Variants in ADGRG4 observed in about 807,000 individuals in gnomAD.
ADGRG4 encodes the protein G protein-coupled receptor 112.
A neutral mutation model predicts 126.2 loss-of-function variants in ADGRG4; 122 were observed. That is an observed-to-expected ratio of 0.97 (90% CI 0.83 to 1.12). The LOEUF is 1.12. Ranked by LOEUF, ADGRG4 falls within the 50% of genes most tolerant of loss-of-function variation. ADGRG4 has a pLI of 0.00. For synonymous variants in ADGRG4, 943 were observed against 838.7 expected (o/e 1.12, Z -2.15); for missense variants, 2,481 against 2,251.8 (o/e 1.10, Z -2.06).
rs2075048990 is a variant in ADGRG4, at chrX:136,349,912, C to T, written c.6206C>T (p.Thr2069Ile). The change falls in exon 6 of 26, where the codon ACC becomes ATC. Residue 2069 changes from threonine to isoleucine, a missense_variant. Transcript: ENST00000394143. ...TCTGCTACTATGAGCACCATACTCA[C>T]CCGAACCATTCCTACACCTACACTG... ...LPSATMSTIL[T>I]RTIPTPTLGG... The T allele has an allele frequency of 1.7e-6, 2 of 1,210,884 alleles. No homozygotes were observed. The highest frequency in any genetic ancestry group is 3.5e-5 in the South Asian group (2 of 56,916).
At chrX:136,413,692 C>G (rs1335315614) in intron 24 of ADGRG4, among the ~76,000 whole-genome samples, 3 of 111,098 alleles carry the variant, frequency 2.7e-5, no homozygotes, top group African/African-American at 9.8e-5. Flanking sequence ...CTTCAGGTAC[C>G]CGGAATGAAC....
rs1279577793 is a variant in ADGRG4, at chrX:136,322,765, C to A, written c.71-13C>A. On this transcript the variant is annotated splice_polypyrimidine_tract_variant and intron_variant, in intron 4 of 25. Transcript: ENST00000394143. The stretch of plus-strand genomic sequence containing the variant: ...CATTTGTTTTCTCTTTCCCCTCCCC[C>A]AAATTTGGACAGATACACTTTCACT... The A allele has an allele frequency of 1.7e-6, 2 of 1,155,145 alleles. No individual in the cohort carries two copies. The highest frequency in any genetic ancestry group is 4.1e-5 in the South Asian group (2 of 48,646).
chrX:136,356,110 A>G lies in ADGRG4; in HGVS notation c.6888-16A>G, dbSNP rs2075091862. The G allele has an allele frequency of 2.6e-6, 3 of 1,159,607 alleles. No individual in the cohort carries two copies. The highest frequency in any genetic ancestry group is 3.5e-6 in the Non-Finnish European group (3 of 852,777). ...ATATTTCATTTTCCTATAATTTTGTAATGCTTTTGATACAGGGACATTTCA... is the reference window on the plus strand; with the variant it reads ...ATATTTCATTTTCCTATAATTTTGTGATGCTTTTGATACAGGGACATTTCA... On this transcript the variant is annotated splice_polypyrimidine_tract_variant and intron_variant, in intron 8 of 25. Transcript: ENST00000394143.
In ADGRG4 at chrX:136,339,465, G is replaced by A. The variant is rs780676733; in HGVS notation, c.686-4927G>A. Among the ~76,000 whole-genome samples the A allele has an allele frequency of 2.7e-5, 3 of 111,818 alleles. No homozygotes were observed. In the South Asian group the frequency reaches 1.1e-3, roughly 42 times the overall value. ...TGCTTCTCTTGGTTGCTTATTGTTA[G>A]CAAGGTGCCCAGTCAGTCCCCCTTG... On this transcript the variant is annotated intron_variant, in intron 5 of 25. Transcript: ENST00000394143.
chrX:136,413,321 G>A (rs2040720735), intron 24 of ADGRG4, among the ~76,000 whole-genome samples: 1 of 103,080 alleles, frequency 9.7e-6, no homozygotes, highest in African/African-American at 3.6e-5. Flanking sequence ...TCCCACCTAT[G>A]AGTGAGAATA....
At position 136,363,670 on chromosome X, in the gene ADGRG4, G is replaced by C; in HGVS notation, c.7396+75G>C. ...TGCCTACTTGACCCCAAACCAGAGA[G>C]AGTATAGGCAAACCCCACTTAGGAA... On this transcript the variant is annotated intron_variant, in intron 13 of 25. Coordinates refer to ENST00000394143, the MANE Select transcript of ADGRG4 (RefSeq NM_153834.4). 6.1e-6 allele frequency: 4 copies of C among 657,847 alleles called. No homozygotes were observed. In the South Asian group the frequency reaches 9.5e-5, roughly 16 times the overall value. The allele number at this position is 657,847 out of a possible 1,213,427, so 54.2% of individuals were successfully genotyped here. A position where few individuals can be genotyped will look rare whatever the true frequency, so the allele number is the denominator to read the frequency against.
At chrX:136,380,024 T>C (rs2075250038) in intron 15 of ADGRG4, among the ~76,000 whole-genome samples, 1 of 111,779 alleles carries the variant, frequency 8.9e-6, no homozygotes, top group African/African-American at 3.3e-5. Context: ...ATACAGGGGT[T>C]CTTTTTGAAG....
intron 5 of ADGRG4, 57 bp downstream of exon 5, chrX:136,323,449 C>G (rs2074853021): frequency 2.8e-6 from 3 of 1,068,589 alleles, no homozygotes; most frequent in East Asian, 6.1e-5. Flanking sequence ...CAGTACTTCT[C>G]TGCTAGCAGT....
chrX:136,363,712 A>G, intron 13 of ADGRG4, 117 bp downstream of exon 13: 1 of 499,032 alleles, frequency 2.0e-6, no homozygotes, highest in Non-Finnish European at 3.6e-6. Flanking sequence ...CCTTACGACA[A>G]TCCAATTTCA....
At chrX:136,302,855 A>G (rs1243597682) in intron 1 of ADGRG4, among the ~76,000 whole-genome samples, 2 of 112,128 alleles carry the variant, frequency 1.8e-5, no homozygotes, top group Non-Finnish European at 1.9e-5. Flanking sequence ...ATAGAGGTGG[A>G]TACCATCATC....
chrX:136,382,823 G>A (rs759792097), intron 15 of ADGRG4, among the ~76,000 whole-genome samples: 1 of 110,592 alleles, frequency 9.0e-6, no homozygotes, highest in East Asian at 2.8e-4. Flanking sequence ...TGTCCAGGTG[G>A]CAATCTTAAC....
chrX:136,307,255 T>A (rs1054185872), intron 3 of ADGRG4, among the ~76,000 whole-genome samples: 1 of 112,464 alleles, frequency 8.9e-6, no homozygotes, highest in African/African-American at 3.2e-5. Context: ...TCTCATTTGA[T>A]CCTCTTCAAG....
At chrX:136,369,760 A>T (rs1052595907) in intron 13 of ADGRG4, among the ~76,000 whole-genome samples, 3 of 112,054 alleles carry the variant, frequency 2.7e-5, no homozygotes, top group African/African-American at 9.7e-5. Context: ...ACTGGGACAA[A>T]ATGTTAATCG....
At chrX:136,303,399 A>T (rs2148440970) in intron 1 of ADGRG4, among the ~76,000 whole-genome samples, 1 of 111,648 alleles carries the variant, frequency 9.0e-6, no homozygotes, top group East Asian at 2.8e-4. Context: ...GCTGCAGTGA[A>T]CCTTGATTGC....
intron 15 of ADGRG4, 91 bp downstream of exon 15, chrX:136,373,155 G>A (rs960601041): frequency 1.2e-5 from 10 of 834,622 alleles, no homozygotes; most frequent in Admixed American, 3.3e-5. Flanking sequence ...AGGGCACTCC[G>A]TTATGGTTTT....
rs1389338645 is a variant in ADGRG4, at chrX:136,348,459, GTT to G, written c.4754_4755del (p.Val1585GlyfsTer98). ...ATVSSDTSTR[V>X]GLFSTLLSSV... The stretch of plus-strand genomic sequence containing the variant: ...AGTCTCTTCTGACACTTCCACAAGA[GTT>G]GGGTTATTCTCTACTTTATTGTCTT... On this transcript the variant is annotated frameshift_variant, in exon 6 of 26. Transcript: ENST00000394143. LOFTEE classifies it high-confidence loss of function. 8.3e-7 allele frequency: 1 copy of G among 1,208,137 alleles called. No individual in the cohort carries two copies. Among genetic ancestry groups the G allele is most frequent in the African/African-American group, 1.8e-5 (1 of 56,992 alleles).
intron 11 of ADGRG4, among the ~76,000 whole-genome samples, chrX:136,360,857 G>C (rs895014228): frequency 8.9e-6 from 1 of 111,927 alleles, no homozygotes; most frequent in African/African-American, 3.2e-5. Flanking sequence ...ATTCCAGAGA[G>C]AGAAGTTCGT....
At chrX:136,320,791 C>T (rs1003478920) in intron 4 of ADGRG4, among the ~76,000 whole-genome samples, 1 of 110,521 alleles carries the variant, frequency 9.0e-6, no homozygotes, top group Non-Finnish European at 1.9e-5. Context: ...TGGTGGCATG[C>T]GCCTGTGGTT....
chrX:136,347,177 C>G lies in ADGRG4; in HGVS notation c.3471C>G (p.Ser1157=), dbSNP rs770848623. 6.6e-6 allele frequency: 8 copies of G among 1,209,307 alleles called. No homozygotes were observed. In the East Asian group the frequency reaches 2.1e-4, roughly 31 times the overall value. The change falls in exon 6 of 26, where the codon TCC becomes TCG. Residue 1157 remains serine (S), a synonymous_variant. Transcript: ENST00000394143. ...KPPPDNIPPA[S]STHVISTTST... is the part of the protein sequence containing the mutation. ...CCCCTGACAACATTCCTCCTGCGTC[C>G]TCCACTCATGTGATCTCAACTACGT...
Sources: gnomAD v4.1 joint callset for allele counts (sites outside exome capture counted in the v4.1 genomes callset) on GRCh38, gnomAD v4.1.1 for gene constraint, MANE v1.5 for transcripts, NCBI Gene and HGNC (gene_info 2026-07-23, HGNC 2026-07-21) for gene names.